Variants in RORA observed in about 807,000 individuals in gnomAD.
The protein encoded by RORA is RAR related orphan receptor A, also known as nuclear receptor ROR-alpha.
RORA carries 7 observed loss-of-function variants against 69.5 expected under a neutral mutation model. The ratio of observed to expected loss-of-function variants is 0.10; its 90% CI spans 0.06 to 0.19. RORA has a LOEUF of 0.19. Ranked by LOEUF, RORA falls within the 10% of genes least tolerant of loss-of-function variation. RORA has a pLI of 1.00. For synonymous variants in RORA, 261 were observed against 240.8 expected (o/e 1.08, Z -0.78); for missense variants, 457 against 663.0 (o/e 0.69, Z 3.41).
chr15:60,666,819 G>A (rs2070389503), intron 2 of RORA, among the ~76,000 whole-genome samples: 1 of 152,204 alleles, frequency 6.6e-6, no homozygotes, highest in African/African-American at 2.4e-5. Flanking sequence ...GAAAAGAGCA[G>A]TGGAAAGATT....
intron 1 of RORA, among the ~76,000 whole-genome samples, chr15:60,877,005 C>T (rs1205432877): frequency 6.6e-6 from 1 of 152,140 alleles, no homozygotes; most frequent in African/African-American, 2.4e-5. Flanking sequence ...CTAATGGGTA[C>T]TGGGCTTAAT....
intron 1 of RORA, among the ~76,000 whole-genome samples, chr15:61,055,978 G>A (rs2078090897): frequency 6.6e-6 from 1 of 152,158 alleles, no homozygotes; most frequent in African/African-American, 2.4e-5. Flanking sequence ...TAAATGCAAT[G>A]TCTTAGAAAA....
At chr15:61,035,605 C>T (rs1196573241) in intron 1 of RORA, among the ~76,000 whole-genome samples, 1 of 152,162 alleles carries the variant, frequency 6.6e-6, no homozygotes, top group Non-Finnish European at 1.5e-5. Context: ...TAGAATGAGA[C>T]AGAGGCCTTC....
intron 1 of RORA, among the ~76,000 whole-genome samples, chr15:60,807,006 C>A (rs2072668592): frequency 6.6e-6 from 1 of 152,152 alleles, no homozygotes; most frequent in South Asian, 2.1e-4. Flanking sequence ...TGAAACAAGA[C>A]AAGGATGCCC....
At chr15:60,881,540 C>G (rs951310195) in intron 1 of RORA, among the ~76,000 whole-genome samples, 1 of 152,200 alleles carries the variant, frequency 6.6e-6, no homozygotes, top group Non-Finnish European at 1.5e-5. Flanking sequence ...TTTCAAAACC[C>G]AAAATGGCCA....
intron 1 of RORA, among the ~76,000 whole-genome samples, chr15:60,882,025 C>T (rs547482512): frequency 6.6e-6 from 1 of 152,190 alleles, no homozygotes; most frequent in Non-Finnish European, 1.5e-5. Flanking sequence ...TTCCCGCGCA[C>T]GTGTTGCGGA....
intron 1 of RORA, among the ~76,000 whole-genome samples, chr15:61,078,329 CTGTGTG>C (rs56676588): frequency 0.011 from 1,509 of 133,202 alleles, 25 homozygotes; most frequent in African/African-American, 0.036. Context: ...ACACCTGGCT[CTGTGTG>C]TGTGTGTGTG....
At chr15:60,664,560 A>G (rs1443293116) in intron 2 of RORA, among the ~76,000 whole-genome samples, 1 of 152,240 alleles carries the variant, frequency 6.6e-6, no homozygotes, top group Admixed American at 6.5e-5. Context: ...TAGACGCCTC[A>G]TGAGAAAAGA....
intron 1 of RORA, among the ~76,000 whole-genome samples, chr15:60,798,689 G>C (rs1012055416): frequency 1.3e-5 from 2 of 152,032 alleles, no homozygotes; most frequent in African/African-American, 2.4e-5. Context: ...GCATGGTAGC[G>C]GGGAGGGGAC....
At chr15:60,934,808 G>A (rs921015281) in intron 1 of RORA, among the ~76,000 whole-genome samples, 1 of 152,192 alleles carries the variant, frequency 6.6e-6, no homozygotes, top group Non-Finnish European at 1.5e-5. Flanking sequence ...CCTGCCTCCA[G>A]GCTCTGCTCC....
At chr15:61,158,331 G>C (rs1230494921) in intron 1 of RORA, among the ~76,000 whole-genome samples, 1 of 152,178 alleles carries the variant, frequency 6.6e-6, no homozygotes, top group Admixed American at 6.5e-5. Context: ...CTCAACTGGA[G>C]ATCAGCCAGG....
chr15:60,855,117 G>T (rs2073365478), intron 1 of RORA, among the ~76,000 whole-genome samples: 1 of 152,218 alleles, frequency 6.6e-6, no homozygotes, highest in African/African-American at 2.4e-5. Flanking sequence ...GGCACTGTTT[G>T]CTTTATTAGC....
At position 60,627,066 on chromosome 15, in the gene RORA, T is replaced by G. The variant is rs1189950545; in HGVS notation, c.196+51591A>C. Reference sequence around the variant, plus strand: ...GGCATCCCACCTCGGGTTCCCATTTTGATTCATTCCTCTGTGGCTGAAGGG... The same window carrying G: ...GGCATCCCACCTCGGGTTCCCATTTGGATTCATTCCTCTGTGGCTGAAGGG... On this transcript the variant is annotated intron_variant, in intron 2 of 10. Transcript: ENST00000335670. Among the ~76,000 whole-genome samples the G allele has an allele frequency of 2.6e-5, 4 of 152,330 alleles. No individual in the cohort carries two copies. In the East Asian group the frequency reaches 7.7e-4, roughly 29 times the overall value.
chr15:60,897,209 C>T (rs1405899875), intron 1 of RORA, among the ~76,000 whole-genome samples: 1 of 152,182 alleles, frequency 6.6e-6, no homozygotes, highest in African/African-American at 2.4e-5. Flanking sequence ...CCATCTTCTG[C>T]CACTTCACTC....
At chr15:60,690,525 A>G (rs540693933) in intron 1 of RORA, among the ~76,000 whole-genome samples, 2 of 152,326 alleles carry the variant, frequency 1.3e-5, no homozygotes, top group Admixed American at 6.5e-5. Flanking sequence ...CACAGGAGAG[A>G]GAAGCCAGCT....
intron 1 of RORA, among the ~76,000 whole-genome samples, chr15:60,867,022 T>A (rs901679987): frequency 1.3e-5 from 2 of 152,022 alleles, no homozygotes; most frequent in Admixed American, 6.6e-5. Flanking sequence ...TGAGCCACCA[T>A]GCCCGGCTAA....
intron 1 of RORA, among the ~76,000 whole-genome samples, chr15:61,126,341 A>G (rs1232560674): frequency 6.6e-6 from 1 of 152,256 alleles, no homozygotes; most frequent in African/African-American, 2.4e-5. Context: ...CAACATATCC[A>G]TCAACTTACA....
chr15:60,974,883 G>T (rs28451105), intron 1 of RORA, among the ~76,000 whole-genome samples: 1 of 152,054 alleles, frequency 6.6e-6, no homozygotes, highest in Non-Finnish European at 1.5e-5. Context: ...AGAAAGGGAG[G>T]TGGCTTTCCT....
intron 1 of RORA, among the ~76,000 whole-genome samples, chr15:60,964,588 C>A (rs1893499326): frequency 6.6e-6 from 1 of 152,090 alleles, no homozygotes; most frequent in African/African-American, 2.4e-5. Flanking sequence ...ACTCCAGGGC[C>A]CTGGGGAGTG....
Sources: allele counts gnomAD v4.1 joint callset (sites outside exome capture counted in the v4.1 genomes callset), GRCh38; gene constraint gnomAD v4.1.1; transcripts MANE v1.5; gene names NCBI Gene and HGNC (gene_info 2026-07-23, HGNC 2026-07-21).